FHIP1A: variants seen among roughly 807,000 people sequenced by gnomAD.
FHIP1A encodes FHF complex subunit HOOK-interacting protein 1A.
In FHIP1A, 61 loss-of-function variants were observed where a neutral mutation model predicts 88.6. The ratio of observed to expected loss-of-function variants is 0.69; its 90% CI spans 0.56 to 0.85. The LOEUF is 0.85. FHIP1A is among the 40% of genes least tolerant of loss of function. The probability of loss-of-function intolerance (pLI) is 0.00; values close to 1 mark genes in which losing one functional copy is unlikely to be tolerated. For synonymous variants in FHIP1A, 478 were observed against 496.0 expected (o/e 0.96, Z 0.48); for missense variants, 1,154 against 1,273.5 (o/e 0.91, Z 1.43).
At chr4:151,531,501 C>T (rs1378412466) in intron 3 of FHIP1A, among the ~76,000 whole-genome samples, 2 of 116,012 alleles carry the variant, frequency 1.7e-5, no homozygotes, top group Admixed American at 1.7e-4. Context: ...TTTCTTTTTT[C>T]TTCTTTTTTT....
chr4:151,416,264 G>A (rs1282035323), intron 1 of FHIP1A, among the ~76,000 whole-genome samples: 3 of 152,146 alleles, frequency 2.0e-5, no homozygotes, highest in Non-Finnish European at 4.4e-5. Context: ...ATGTCTAAAA[G>A]AGTTGATTAA....
chr4:151,418,742 A>C (rs1732995310), intron 1 of FHIP1A, among the ~76,000 whole-genome samples: 1 of 152,204 alleles, frequency 6.6e-6, no homozygotes, highest in Non-Finnish European at 1.5e-5. Flanking sequence ...GTCTATGTTT[A>C]GATCCTGACA....
At chr4:151,492,456 G>T (rs779718310) in intron 3 of FHIP1A, among the ~76,000 whole-genome samples, 10 of 151,974 alleles carry the variant, frequency 6.6e-5, no homozygotes, top group Non-Finnish European at 1.5e-4. Context: ...GCTGGGTGTT[G>T]TGGTGTGCAC....
At chr4:151,432,065 CT>C (rs1284147710) in intron 1 of FHIP1A, among the ~76,000 whole-genome samples, 1 of 152,152 alleles carries the variant, frequency 6.6e-6, no homozygotes, top group Non-Finnish European at 1.5e-5. Context: ...TGCAACTCCT[CT>C]TTATTGAAAA....
At chr4:151,452,936 G>A (rs1470151653) in intron 1 of FHIP1A, among the ~76,000 whole-genome samples, 4 of 146,122 alleles carry the variant, frequency 2.7e-5, no homozygotes, top group Non-Finnish European at 3.0e-5. Context: ...ACATTGAAAC[G>A]TATATATATA....
chr4:151,498,588 G>A lies in FHIP1A; in HGVS notation c.-123+15940G>A, dbSNP rs563614101. Reference sequence around the variant, plus strand: ...CCTAGCACTTTGGGAGGCCGAGGTGGGCGGATCACGAGGTCAGGAGATCGA... The same window carrying A: ...CCTAGCACTTTGGGAGGCCGAGGTGAGCGGATCACGAGGTCAGGAGATCGA... On this transcript the variant is annotated intron_variant, in intron 3 of 13. Transcript: ENST00000435205. Among the ~76,000 whole-genome samples, 133 of 152,206 alleles carry A rather than the reference G, an allele frequency of 8.7e-4. 1 individual carries two copies. Among genetic ancestry groups the A allele is most frequent in the African/African-American group, 2.9e-3 (119 of 41,540 alleles).
At chr4:151,630,712 T>G (rs538266550) in intron 8 of FHIP1A, among the ~76,000 whole-genome samples, 60 of 152,294 alleles carry the variant, frequency 3.9e-4, no homozygotes, top group Middle Eastern at 3.4e-3. Flanking sequence ...ATACACATTC[T>G]CCTCAAATGT....
chr4:151,640,934 G>C (rs940094785), intron 9 of FHIP1A, among the ~76,000 whole-genome samples: 1 of 152,134 alleles, frequency 6.6e-6, no homozygotes, highest in African/African-American at 2.4e-5. Context: ...GAAGAGATCA[G>C]CTCATGGTTG....
chr4:151,577,960 C>T lies in FHIP1A; in HGVS notation c.616C>T (p.His206Tyr), dbSNP rs769958379. ...LIFSLLIPFI[H>Y]REGSVGQQAR... ...CTTCTCCCTTCTGATTCCCTTCATT[C>T]ACCGAGAGGGGTCAGTAGGCCAGCA... Residue 206 changes from histidine to tyrosine, a missense_variant, in exon 5 of 14, where the codon CAC becomes TAC. By Grantham distance (83) the His-to-Tyr change is moderately conservative. Transcript: ENST00000435205. 2 of 1,551,382 alleles carry T rather than the reference C, an allele frequency of 1.3e-6. No homozygotes were observed. The highest frequency in any genetic ancestry group is 2.4e-5 in the South Asian group (2 of 84,040).
intron 8 of FHIP1A, among the ~76,000 whole-genome samples, chr4:151,634,252 A>T (rs1203922474): frequency 6.6e-6 from 1 of 151,826 alleles, no homozygotes. Flanking sequence ...CAAAACATTG[A>T]AAGAAATGAA....
chr4:151,625,147 C>T (rs975333022), intron 7 of FHIP1A, among the ~76,000 whole-genome samples: 8 of 152,164 alleles, frequency 5.3e-5, no homozygotes, highest in African/African-American at 1.9e-4. Context: ...ACTCCTGTTT[C>T]GTGTGATCCA....
chr4:151,579,435 G>A (rs761274329), intron 5 of FHIP1A, among the ~76,000 whole-genome samples: 5 of 152,072 alleles, frequency 3.3e-5, no homozygotes, highest in African/African-American at 4.8e-5. Flanking sequence ...TCTTCAAAAC[G>A]GCAGTTTTGA....
At chr4:151,594,421 C>T (rs1734567477) in intron 7 of FHIP1A, among the ~76,000 whole-genome samples, 1 of 152,020 alleles carries the variant, frequency 6.6e-6, no homozygotes, top group Admixed American at 6.6e-5. Context: ...TTGGTCTGTT[C>T]AGGGATTTGA....
intron 3 of FHIP1A, among the ~76,000 whole-genome samples, chr4:151,502,502 G>A (rs1260039265): frequency 1.2e-4 from 18 of 152,186 alleles, no homozygotes; most frequent in Non-Finnish European, 4.4e-5. Flanking sequence ...TTCAAAAGAA[G>A]ATTTGAGCAG....
chr4:151,535,452 C>T lies in FHIP1A; in HGVS notation c.-122-30686C>T, dbSNP rs879618613. Reference sequence around the variant, plus strand: ...ATACAGATAAACAAAACTAAACATACACAATCCCACTTTCCAGAAGGAACC... The same window carrying T: ...ATACAGATAAACAAAACTAAACATATACAATCCCACTTTCCAGAAGGAACC... On this transcript the variant is annotated intron_variant, in intron 3 of 13. Coordinates refer to ENST00000435205, the MANE Select transcript of FHIP1A (RefSeq NM_001109977.3). Among the ~76,000 whole-genome samples, 5 of 152,162 alleles carry T rather than the reference C, an allele frequency of 3.3e-5. 1 individual carries two copies. The highest frequency in any genetic ancestry group is 7.4e-5 in the Non-Finnish European group (5 of 68,024).
intron 5 of FHIP1A, among the ~76,000 whole-genome samples, chr4:151,579,107 A>G (rs1446900573): frequency 6.6e-6 from 1 of 152,188 alleles, no homozygotes; most frequent in Non-Finnish European, 1.5e-5. Context: ...AGGGTGAGGG[A>G]TGAATAAGCA....
chr4:151,476,771 C>T (rs1353368227), intron 2 of FHIP1A, among the ~76,000 whole-genome samples: 4 of 151,944 alleles, frequency 2.6e-5, no homozygotes, highest in Non-Finnish European at 5.9e-5. Flanking sequence ...AAGCTAATTA[C>T]GAAGAATATG....
intron 10 of FHIP1A, 56 bp from the exon 11 acceptor site, chr4:151,649,403 C>T (rs1736913713): frequency 3.0e-6 from 4 of 1,319,808 alleles, no homozygotes; most frequent in Non-Finnish European, 4.2e-6. Flanking sequence ...CAACCCCATC[C>T]ACTACCTTTG....
At chr4:151,529,345 A>G (rs1207356275) in intron 3 of FHIP1A, among the ~76,000 whole-genome samples, 1 of 152,168 alleles carries the variant, frequency 6.6e-6, no homozygotes, top group African/African-American at 2.4e-5. Flanking sequence ...CCGTTATTGT[A>G]GCCTGCTACT....
Sources: gnomAD v4.1 joint callset for allele counts (sites outside exome capture counted in the v4.1 genomes callset) on GRCh38, gnomAD v4.1.1 for gene constraint, MANE v1.5 for transcripts, NCBI Gene and HGNC (gene_info 2026-07-23, HGNC 2026-07-21) for gene names.